Variants in TMTC2 observed in about 807,000 individuals in gnomAD.
TMTC2 encodes transmembrane O-mannosyltransferase targeting cadherins 2.
In TMTC2, 43 loss-of-function variants were observed where a neutral mutation model predicts 82.4. The ratio of observed to expected loss-of-function variants is 0.52; its 90% CI spans 0.41 to 0.67. The LOEUF (loss-of-function observed/expected upper bound fraction) is 0.67, where lower values mean the gene tolerates loss of function less well. TMTC2 is among the 30% of genes least tolerant of loss of function. The pLI is 0.00. For synonymous variants in TMTC2, 408 were observed against 381.9 expected (o/e 1.07, Z -0.80); for missense variants, 919 against 1,012.4 (o/e 0.91, Z 1.25).
intron 11 of TMTC2, among the ~76,000 whole-genome samples, chr12:83,089,847 C>CAAAAAA (rs200273951): frequency 7.4e-5 from 10 of 135,736 alleles, no homozygotes; most frequent in African/African-American, 2.6e-4. Context: ...AAACAAAAAA[C>CAAAAAA]AAAAAAAAAA....
chr12:82,876,562 A>G (rs1872592569), intron 2 of TMTC2, among the ~76,000 whole-genome samples: 1 of 152,174 alleles, frequency 6.6e-6, no homozygotes, highest in Non-Finnish European at 1.5e-5. Context: ...GCTCAATGTG[A>G]ATTTGACATT....
intron 2 of TMTC2, among the ~76,000 whole-genome samples, chr12:82,894,222 G>A (rs1873539966): frequency 6.6e-6 from 1 of 152,186 alleles, no homozygotes; most frequent in Admixed American, 6.5e-5. Flanking sequence ...CTATGGAGGT[G>A]AGGGAGGGTG....
intron 10 of TMTC2, among the ~76,000 whole-genome samples, chr12:83,055,142 T>C (rs556798839): frequency 1.3e-5 from 2 of 152,132 alleles, no homozygotes; most frequent in Admixed American, 1.3e-4. Context: ...AAGATGATTC[T>C]CCTGGGCCTA....
intron 2 of TMTC2, among the ~76,000 whole-genome samples, chr12:82,891,867 C>T (rs117803553): frequency 0.02 from 3,045 of 152,102 alleles, 44 homozygotes; most frequent in Non-Finnish European, 0.03. Flanking sequence ...GTTTAGTTTC[C>T]CTTTAAGAGT....
In TMTC2 at chr12:83,061,775, A is replaced by G. The variant is rs1458655477; in HGVS notation, c.2275A>G (p.Ser759Gly). 6.3e-7 allele frequency: 1 copy of G among 1,596,654 alleles called. No homozygotes were observed. The highest frequency in any genetic ancestry group is 1.2e-5 in the South Asian group (1 of 86,290). ...TTATTTTTTCTTTTACAGACAGGCT[A>G]GCCTCAATGAAGCAGCTGAGAAGTA... is the stretch of plus-strand genomic sequence containing the variant. ...FNAAHMLRQA[S>G]LNEAAEKYYD... The change falls in exon 11 of 12, where the codon AGC (serine) becomes GGC (glycine). Residue 759 changes from serine to glycine, a missense_variant. By Grantham distance (56) the Ser-to-Gly change is moderately conservative. Coordinates refer to ENST00000321196, the MANE Select transcript of TMTC2 (RefSeq NM_152588.3).
chr12:82,908,632 T>C lies in TMTC2; in HGVS notation c.1483+11986T>C, dbSNP rs117856413. 5.0e-3 allele frequency among the ~76,000 whole-genome samples: 759 copies of C among 152,288 alleles called. 2 individuals carry two copies. The highest frequency in any genetic ancestry group is 7.5e-3 in the Non-Finnish European group (512 of 68,026). On this transcript the variant is annotated intron_variant, in intron 3 of 11. Transcript: ENST00000321196. ...TCAGTTTCTCTCTTGTGGTGTCATA[T>C]TCTGGTTTTAAAATCAATGATCTTA...
intron 1 of TMTC2, among the ~76,000 whole-genome samples, chr12:82,756,458 G>T (rs563395248): frequency 1.5e-4 from 23 of 152,290 alleles, no homozygotes; most frequent in Non-Finnish European, 2.9e-4. Context: ...CTGCGTGAGG[G>T]TTTTACCTTA....
At chr12:83,049,055 T>A (rs1291674268) in intron 9 of TMTC2, among the ~76,000 whole-genome samples, 1 of 152,234 alleles carries the variant, frequency 6.6e-6, no homozygotes, top group African/African-American at 2.4e-5. Flanking sequence ...CAATTTGTAA[T>A]ATTCATTAAA....
At chr12:82,870,755 G>A (rs1330309917) in intron 2 of TMTC2, among the ~76,000 whole-genome samples, 1 of 152,106 alleles carries the variant, frequency 6.6e-6, no homozygotes, top group African/African-American at 2.4e-5. Flanking sequence ...TTGAATTGCT[G>A]GCAACCCTAA....
chr12:82,709,040 G>A (rs980125147), intron 1 of TMTC2, among the ~76,000 whole-genome samples: 5 of 151,120 alleles, frequency 3.3e-5, no homozygotes, highest in Non-Finnish European at 7.4e-5. Context: ...CTACCCAGGA[G>A]TCACCTTTGA....
At chr12:82,918,677 A>G (rs1188303270) in intron 3 of TMTC2, among the ~76,000 whole-genome samples, 1 of 151,392 alleles carries the variant, frequency 6.6e-6, no homozygotes, top group African/African-American at 2.4e-5. Flanking sequence ...AATATTAAGA[A>G]ATTCATTTAT....
chr12:82,798,487 A>C, intron 1 of TMTC2, among the ~76,000 whole-genome samples: 1 of 49,738 alleles, frequency 2.0e-5, no homozygotes, highest in African/African-American at 9.4e-5. Flanking sequence ...ACAGAGGGAG[A>C]CTCGTCTCAA....
At position 83,042,818 on chromosome 12, in the gene TMTC2, T is replaced by G. The variant is rs78821693; in HGVS notation, c.2153-8086T>G. On this transcript the variant is annotated intron_variant, in intron 9 of 11. Coordinates refer to ENST00000321196, the MANE Select transcript of TMTC2 (RefSeq NM_152588.3). ...TGGCCTTCTGTTTCTCTAATCTTCT[T>G]CACACTAGACACCTTCCTTGCCACC... 2.8e-3 allele frequency among the ~76,000 whole-genome samples: 422 copies of G among 152,318 alleles called. 3 individuals are homozygous for G. The highest frequency in any genetic ancestry group is 9.6e-3 in the African/African-American group (398 of 41,580).
At chr12:82,697,722 G>A (rs1872878815) in intron 1 of TMTC2, among the ~76,000 whole-genome samples, 1 of 152,192 alleles carries the variant, frequency 6.6e-6, no homozygotes, top group African/African-American at 2.4e-5. Flanking sequence ...TTTGTAAGAT[G>A]ACTGTGGGGG....
chr12:83,041,300 C>G (rs1202452645), intron 9 of TMTC2, among the ~76,000 whole-genome samples: 1 of 152,110 alleles, frequency 6.6e-6, no homozygotes, highest in Non-Finnish European at 1.5e-5. Flanking sequence ...GGATTTGGAA[C>G]AAGGCACACC....
chr12:83,035,095 T>TGAG (rs1881607557), intron 9 of TMTC2, among the ~76,000 whole-genome samples: 1 of 152,176 alleles, frequency 6.6e-6, no homozygotes, highest in Non-Finnish European at 1.5e-5. Flanking sequence ...TCCACTCTCT[T>TGAG]GTGTGATTTT....
intron 1 of TMTC2, among the ~76,000 whole-genome samples, chr12:82,787,114 G>A (rs1878214426): frequency 6.6e-6 from 1 of 152,048 alleles, no homozygotes; most frequent in African/African-American, 2.4e-5. Context: ...TACCCAGTAT[G>A]GAAACTGGTG....
intron 1 of TMTC2, among the ~76,000 whole-genome samples, chr12:82,748,666 A>G (rs1875815303): frequency 6.6e-6 from 1 of 152,196 alleles, no homozygotes; most frequent in South Asian, 2.1e-4. Context: ...ACCTGAGGTC[A>G]GAAGTTCAAG....
chr12:82,714,954 GA>G, intron 1 of TMTC2, among the ~76,000 whole-genome samples: 1 of 152,138 alleles, frequency 6.6e-6, no homozygotes, highest in Non-Finnish European at 1.5e-5. Flanking sequence ...AAAATCAGCT[GA>G]CAAAAAGCAG....
Sources: gnomAD v4.1 joint callset for allele counts (sites outside exome capture counted in the v4.1 genomes callset) on GRCh38, gnomAD v4.1.1 for gene constraint, MANE v1.5 for transcripts, NCBI Gene and HGNC (gene_info 2026-07-23, HGNC 2026-07-21) for gene names.